ORC2: variants seen among roughly 807,000 people sequenced by gnomAD.
ORC2 encodes the protein origin recognition complex subunit 2, also known as origin recognition complex protein 2 homolog.
ORC2 carries 37 observed loss-of-function variants against 77.7 expected under a neutral mutation model. That is an observed-to-expected ratio of 0.48 (90% CI 0.37 to 0.63). The LOEUF (loss-of-function observed/expected upper bound fraction) is 0.63, where lower values mean the gene tolerates loss of function less well. ORC2 is among the 20% of genes least tolerant of loss of function. The probability of loss-of-function intolerance (pLI) is 0.00; values close to 1 mark genes in which losing one functional copy is unlikely to be tolerated. For missense variants in ORC2, 557 were observed against 661.9 expected, an observed-to-expected ratio of 0.84 and a Z score of 1.74; for synonymous variants, 201 against 229.5, an observed-to-expected ratio of 0.88 and a Z score of 1.12.
In ORC2 at chr2:200,920,374, C is replaced by T. The variant is rs1559006356; in HGVS notation, c.1314G>A (p.Gln438=). 1 of 1,604,308 alleles carries T rather than the reference C, an allele frequency of 6.2e-7. No homozygotes were observed. The highest frequency in any genetic ancestry group is 8.5e-7 in the Non-Finnish European group (1 of 1,174,254). ...CATACCAGAGCCAGTTAAAAAGACT[C>T]TGCTTTGCATGATCCCACACTAGCA... ...NAPLMWDHAK[Q]SLFNWLWYET... Residue 438 remains glutamine, a synonymous_variant, in exon 15 of 18, where the codon CAG becomes CAA. Transcript: ENST00000234296.
intron 17 of ORC2, 25 bp from the exon 18 acceptor site, chr2:200,911,412 C>T (rs770576516): frequency 1.1e-5 from 14 of 1,296,484 alleles, no homozygotes; most frequent in East Asian, 4.6e-5. Context: ...AATACCTGTA[C>T]GTTAGTCATT....
intron 9 of ORC2, among the ~76,000 whole-genome samples, chr2:200,934,861 G>C (rs1175620979): frequency 1.3e-5 from 2 of 152,102 alleles, no homozygotes; most frequent in East Asian, 3.9e-4. Context: ...TAAGCAGTAG[G>C]CTCCTCAATT....
chr2:200,918,850 C>T (rs925331176), intron 15 of ORC2, among the ~76,000 whole-genome samples: 3 of 152,052 alleles, frequency 2.0e-5, no homozygotes, highest in Admixed American at 2.0e-4. Context: ...AATTCATTTA[C>T]ATTTTGACTA....
intron 17 of ORC2, 81 bp from the exon 18 acceptor site, chr2:200,911,468 A>G: frequency 9.5e-6 from 7 of 736,848 alleles, no homozygotes; most frequent in Non-Finnish European, 1.3e-5. Context: ...TAAAGAAAAA[A>G]TGAATTTATT....
Position 200,912,550 on chromosome 2 carries a change from G to A in ORC2, c.1647+745C>T, listed in dbSNP as rs979238842. On this transcript the variant is annotated intron_variant, in intron 17 of 17. Transcript: ENST00000234296. ...CCCACCTCAGCCTCCTGGGCAGCTG[G>A]GACTACAGGTACAGCTGCGTGCCAC... 3.3e-5 allele frequency among the ~76,000 whole-genome samples: 5 copies of A among 152,206 alleles called. No individual in the cohort carries two copies. The South Asian group carries it at 6.2e-4, about 19-fold the overall frequency.
At chr2:200,958,650 T>C (rs1208231028) in intron 2 of ORC2, among the ~76,000 whole-genome samples, 1 of 152,208 alleles carries the variant, frequency 6.6e-6, no homozygotes, top group Admixed American at 6.5e-5. Flanking sequence ...TCCCTTTACT[T>C]TTATGGAATG....
chr2:200,957,661 T>G, intron 3 of ORC2, 117 bp from the exon 4 acceptor site: 1 of 768,686 alleles, frequency 1.3e-6, no homozygotes, highest in Non-Finnish European at 1.8e-6. Flanking sequence ...GGAAAAAAGC[T>G]TTCTCTTTGA....
chr2:200,929,882 T>A (rs1300839775), intron 11 of ORC2, among the ~76,000 whole-genome samples: 1 of 152,168 alleles, frequency 6.6e-6, no homozygotes, highest in Non-Finnish European at 1.5e-5. Context: ...CTCTGCTGGA[T>A]AGCAGGGGCA....
intron 13 of ORC2, among the ~76,000 whole-genome samples, chr2:200,924,765 T>C (rs1364098082): frequency 6.6e-6 from 1 of 152,150 alleles, no homozygotes; most frequent in Admixed American, 6.5e-5. Context: ...GTTTTATTTA[T>C]TTATTTATTT....
At chr2:200,929,364 A>T (rs931919281) in intron 11 of ORC2, among the ~76,000 whole-genome samples, 1 of 152,226 alleles carries the variant, frequency 6.6e-6, no homozygotes, top group African/African-American at 2.4e-5. Context: ...AATGGACAGG[A>T]AGGAACAAAA....
intron 4 of ORC2, among the ~76,000 whole-genome samples, chr2:200,956,514 G>C (rs1390316921): frequency 6.6e-6 from 1 of 151,136 alleles, no homozygotes; most frequent in African/African-American, 2.4e-5. Context: ...TTTTTTTGTA[G>C]AAACGGGATC....
In ORC2 at chr2:200,942,689, G is replaced by T. The variant is rs747376311; in HGVS notation, c.417C>A (p.Ser139Arg). The T allele has an allele frequency of 7.6e-6, 12 of 1,578,486 alleles. No homozygotes were observed. Among genetic ancestry groups the T allele is most frequent in the Non-Finnish European group, 1.0e-5 (12 of 1,152,630 alleles). ...AGAACTAATGTAATGTCTTACCCTT[G>T]CTACTTTGAGGAACGTTTATCGTAA... ...PEITINVPQSSKGHSASDKVQ... is the reference protein window; with the variant it reads ...PEITINVPQSRKGHSASDKVQ... The change falls in exon 6 of 18, where the codon AGC becomes AGA. Residue 139 changes from serine (S) to arginine (R), a missense_variant. Coordinates refer to ENST00000234296, the MANE Select transcript of ORC2 (RefSeq NM_006190.5).
intron 13 of ORC2, among the ~76,000 whole-genome samples, chr2:200,924,168 T>C (rs1386659700): frequency 6.6e-6 from 1 of 152,044 alleles, no homozygotes; most frequent in Non-Finnish European, 1.5e-5. Context: ...GGCAACACAG[T>C]GAGACTCCAT....
At chr2:200,919,069 A>G (rs368367134) in intron 15 of ORC2, among the ~76,000 whole-genome samples, 1 of 151,956 alleles carries the variant, frequency 6.6e-6, no homozygotes, top group East Asian at 1.9e-4. Context: ...AGCTGGAGCA[A>G]TCCTCCTGCC....
At chr2:200,938,178 G>C (rs528643292) in intron 7 of ORC2, among the ~76,000 whole-genome samples, 2 of 152,248 alleles carry the variant, frequency 1.3e-5, no homozygotes, top group Non-Finnish European at 2.9e-5. Context: ...ATAGGCACGT[G>C]CCACCACACC....
At chr2:200,953,267 A>T (rs2041398257) in intron 4 of ORC2, among the ~76,000 whole-genome samples, 1 of 149,954 alleles carries the variant, frequency 6.7e-6, no homozygotes, top group Non-Finnish European at 1.5e-5. Flanking sequence ...AATATAGAAA[A>T]CCACACATTA....
intron 1 of ORC2, among the ~76,000 whole-genome samples, chr2:200,960,902 G>A (rs896313672): frequency 2.6e-5 from 4 of 151,196 alleles, no homozygotes; most frequent in Non-Finnish European, 4.4e-5. Flanking sequence ...TCAGCCTCCC[G>A]AGTAGCTGGG....
intron 9 of ORC2, among the ~76,000 whole-genome samples, chr2:200,935,267 C>T (rs1359052064): frequency 6.6e-6 from 1 of 152,174 alleles, no homozygotes; most frequent in Non-Finnish European, 1.5e-5. Flanking sequence ...GGATTACAGG[C>T]ACACATCACC....
At chr2:200,957,034 T>C (rs1395776825) in intron 4 of ORC2, among the ~76,000 whole-genome samples, 1 of 151,958 alleles carries the variant, frequency 6.6e-6, no homozygotes, top group Non-Finnish European at 1.5e-5. Context: ...AGGGAGAGCA[T>C]AAGGACAGAC....
Sources: allele counts gnomAD v4.1 joint callset (sites outside exome capture counted in the v4.1 genomes callset), GRCh38; gene constraint gnomAD v4.1.1; transcripts MANE v1.5; gene names NCBI Gene and HGNC (gene_info 2026-07-23, HGNC 2026-07-21).